Variants in RBFOX1 observed in about 807,000 individuals in gnomAD.
RBFOX1 encodes the protein RNA binding fox-1 homolog 1, also known as RNA binding protein fox-1 homolog 1.
A neutral mutation model predicts 57.7 loss-of-function variants in RBFOX1; 8 were observed. That is an observed-to-expected ratio of 0.14 (90% confidence interval 0.08 to 0.25). The LOEUF (loss-of-function observed/expected upper bound fraction) is 0.25. RBFOX1 is among the 10% of genes least tolerant of loss of function. RBFOX1 has a pLI of 1.00. For synonymous variants in RBFOX1, 326 were observed against 222.4 expected, an observed-to-expected ratio of 1.47 and a Z score of -4.15; for missense variants, 611 against 548.5, an observed-to-expected ratio of 1.11 and a Z score of -1.14.
In RBFOX1 at chr16:6,937,432, A is replaced by G. The variant is rs142235205; in HGVS notation, c.-15-114625A>G. 4.6e-5 allele frequency among the ~76,000 whole-genome samples: 7 copies of G among 152,274 alleles called. No homozygotes were observed. In the East Asian group the frequency reaches 1.2e-3, roughly 25 times the overall value. ...TTTTATAGTTTTCTATGTGTTGGCC[A>G]TTCAGATGTCAATGAAAAGAGTCAA... On this transcript the variant is annotated intron_variant, in intron 3 of 15. Transcript: ENST00000550418.
chr16:7,142,337 C>G (rs1199044635), intron 4 of RBFOX1, among the ~76,000 whole-genome samples: 4 of 152,110 alleles, frequency 2.6e-5, no homozygotes, highest in African/African-American at 9.7e-5. Context: ...TCCCATTTCA[C>G]TTAGGAAAAA....
Position 5,418,927 on chromosome 16 carries a change from C to T in RBFOX1, c.220-48289C>T, listed in dbSNP as rs571726760. Among the ~76,000 whole-genome samples the T allele has an allele frequency of 2.0e-5, 3 of 152,282 alleles. No homozygotes were observed. In the East Asian group the frequency reaches 5.8e-4, roughly 29 times the overall value. The stretch of plus-strand genomic sequence containing the variant: ...AAACAATGCAGGAAGGGTGGTGCCC[C>T]AGCTCAGAGGTGAAGGCAGCCAGGA... On this transcript the variant is annotated intron_variant, in intron 1 of 2. Coordinates refer to the RBFOX1 transcript ENST00000585867.
intron 1 of RBFOX1, among the ~76,000 whole-genome samples, chr16:6,304,243 A>G (rs866903183): frequency 9.9e-5 from 15 of 152,070 alleles, no homozygotes; most frequent in African/African-American, 3.4e-4. Context: ...AGCCGAGATC[A>G]TGCCATTGCA....
At chr16:6,256,243 A>ACG (rs1567788588) in intron 1 of RBFOX1, among the ~76,000 whole-genome samples, 1 of 96,364 alleles carries the variant, frequency 1.0e-5, no homozygotes, top group East Asian at 2.8e-4. Flanking sequence ...GTGTATATAT[A>ACG]TATGTATATA....
chr16:5,790,343 T>C (rs140510165), intron 3 of RBFOX1, among the ~76,000 whole-genome samples: 11 of 152,234 alleles, frequency 7.2e-5, no homozygotes, highest in Admixed American at 1.3e-4. Flanking sequence ...GAGAAACCCC[T>C]GCATTTTCCA....
At chr16:7,466,532 G>A (rs542300097) in intron 4 of RBFOX1, among the ~76,000 whole-genome samples, 9 of 152,234 alleles carry the variant, frequency 5.9e-5, no homozygotes, top group Non-Finnish European at 7.4e-5. Flanking sequence ...TCAACTCCAC[G>A]ATGTCCTGCC....
chr16:6,235,055 T>G (rs1410943437), intron 1 of RBFOX1, among the ~76,000 whole-genome samples: 1 of 152,116 alleles, frequency 6.6e-6, no homozygotes, highest in African/African-American at 2.4e-5. Flanking sequence ...GGCAGGGACA[T>G]TGGTAAATTC....
At chr16:6,004,827 T>C (rs111971987) in intron 4 of RBFOX1, among the ~76,000 whole-genome samples, 3 of 152,326 alleles carry the variant, frequency 2.0e-5, no homozygotes, top group African/African-American at 7.2e-5. Context: ...CATTTGAATG[T>C]CCTTTCTGAG....
chr16:7,095,358 G>A (rs946345139), intron 4 of RBFOX1, among the ~76,000 whole-genome samples: 3 of 152,062 alleles, frequency 2.0e-5, no homozygotes, highest in South Asian at 2.1e-4. Flanking sequence ...GGCTGGTCTC[G>A]AACTCCTGAC....
chr16:6,530,109 G>T (rs1026059352), intron 2 of RBFOX1, among the ~76,000 whole-genome samples: 1 of 152,158 alleles, frequency 6.6e-6, no homozygotes, highest in African/African-American at 2.4e-5. Flanking sequence ...TTCCGAAAAG[G>T]AGACAGTGTG....
At chr16:5,538,696 G>A (rs559153742) in intron 2 of RBFOX1, among the ~76,000 whole-genome samples, 7 of 149,950 alleles carry the variant, frequency 4.7e-5, no homozygotes, top group East Asian at 2.0e-4. Flanking sequence ...TGTGATCTCC[G>A]CTCACTGCAA....
intron 4 of RBFOX1, among the ~76,000 whole-genome samples, chr16:7,326,706 C>T (rs540374465): frequency 6.6e-6 from 1 of 152,150 alleles, no homozygotes; most frequent in East Asian, 1.9e-4. Flanking sequence ...ATGAGTATAT[C>T]GTCCTTAATC....
intron 3 of RBFOX1, among the ~76,000 whole-genome samples, chr16:6,912,536 T>C (rs1040311059): frequency 6.6e-6 from 1 of 152,188 alleles, no homozygotes; most frequent in Non-Finnish European, 1.5e-5. Flanking sequence ...CCTTCTGAGA[T>C]TTAGGTTTAA....
intron 1 of RBFOX1, among the ~76,000 whole-genome samples, chr16:6,072,233 C>G (rs1271168379): frequency 2.6e-5 from 4 of 152,184 alleles, no homozygotes; most frequent in Non-Finnish European, 2.9e-5. Flanking sequence ...AAACCCACCC[C>G]CCCATGATCC....
intron 3 of RBFOX1, among the ~76,000 whole-genome samples, chr16:6,899,273 C>T (rs1033389744): frequency 2.6e-5 from 4 of 151,828 alleles, no homozygotes; most frequent in East Asian, 1.9e-4. Context: ...ATAACGTGTG[C>T]ATGTATGTGT....
intron 4 of RBFOX1, among the ~76,000 whole-genome samples, chr16:7,165,528 C>G (rs1472347860): frequency 2.0e-5 from 3 of 151,880 alleles, no homozygotes; most frequent in South Asian, 2.1e-4. Context: ...CTCCTGGAAT[C>G]AAGCCATTCA....
chr16:6,646,184 A>G (rs779785316), intron 2 of RBFOX1, among the ~76,000 whole-genome samples: 1 of 152,114 alleles, frequency 6.6e-6, no homozygotes, highest in Non-Finnish European at 1.5e-5. Context: ...AGAAAAGGTC[A>G]GGTCGGAACC....
At chr16:6,897,060 A>T (rs1211488308) in intron 3 of RBFOX1, among the ~76,000 whole-genome samples, 2 of 152,140 alleles carry the variant, frequency 1.3e-5, no homozygotes, top group African/African-American at 4.8e-5. Flanking sequence ...CACCTTCCTG[A>T]ATGCTGGCAG....
At chr16:7,176,672 A>T (rs12935311) in intron 4 of RBFOX1, among the ~76,000 whole-genome samples, 7 of 151,932 alleles carry the variant, frequency 4.6e-5, no homozygotes, top group East Asian at 1.9e-4. Flanking sequence ...TTACTGGAAA[A>T]GGTTTCCGAT....
Sources: allele counts gnomAD v4.1 joint callset (sites outside exome capture counted in the v4.1 genomes callset), GRCh38; gene constraint gnomAD v4.1.1; transcripts MANE v1.5; gene names NCBI Gene and HGNC (gene_info 2026-07-23, HGNC 2026-07-21).